The following HNRNPM variants were observed in gnomAD, a reference collection of about 807,000 sequenced individuals.
The protein encoded by HNRNPM is heterogeneous nuclear ribonucleoprotein M, also known as CEA receptor.
A neutral mutation model predicts 73.1 loss-of-function variants in HNRNPM; 11 were observed. That is an observed-to-expected ratio of 0.15 (90% CI 0.09 to 0.25). The LOEUF (loss-of-function observed/expected upper bound fraction) is 0.25, where lower values mean the gene tolerates loss of function less well. Among genes scored for constraint, HNRNPM ranks in the 10% least tolerant of loss-of-function variants. HNRNPM has a pLI of 1.00. For missense variants in HNRNPM, 789 were observed against 1,067.9 expected (o/e 0.74, Z 3.64); for synonymous variants, 407 against 355.2 (o/e 1.15, Z -1.64).
intron 8 of HNRNPM, 53 bp downstream of exon 8, chr19:8,467,637 G>C (rs1185808608): frequency 8.0e-7 from 1 of 1,249,426 alleles, no homozygotes; most frequent in Non-Finnish European, 1.2e-6. Flanking sequence ...CAAAAACATG[G>C]AATTAATAAG....
At chr19:8,487,542 G>A (rs1489011567) in intron 15 of HNRNPM, 1 of 165,054 alleles carries the variant, frequency 6.1e-6, no homozygotes, top group African/African-American at 2.4e-5. Flanking sequence ...AAGGTCTTGT[G>A]GTTTCCTGGC....
intron 13 of HNRNPM, among the ~76,000 whole-genome samples, chr19:8,485,128 G>A (rs1201737937): frequency 6.6e-6 from 1 of 152,090 alleles, no homozygotes; most frequent in South Asian, 2.1e-4. Context: ...CCCCAGCAGA[G>A]CATCCTAGAG....
intron 12 of HNRNPM, among the ~76,000 whole-genome samples, chr19:8,482,308 C>T (rs1053823423): frequency 2.0e-5 from 3 of 152,094 alleles, no homozygotes; most frequent in South Asian, 4.2e-4. Context: ...AAATGTGCCT[C>T]GTGGCTAATG....
chr19:8,474,946 T>C (rs1970401333), intron 12 of HNRNPM, among the ~76,000 whole-genome samples: 1 of 152,128 alleles, frequency 6.6e-6, no homozygotes, highest in Admixed American at 6.5e-5. Context: ...AACTCCTGAC[T>C]TCATGTGATC....
Position 8,485,749 on chromosome 19 carries a change from ATGGACCGCATGGGCTCCG to A in HNRNPM, c.1326_1343del (p.Asp442_Val447del), listed in dbSNP as rs766619493. 15 of 1,604,878 alleles carry A rather than the reference ATGGACCGCATGGGCTCCG, an allele frequency of 9.3e-6. No homozygotes were observed. Among genetic ancestry groups the A allele is most frequent in the South Asian group, 2.2e-5 (2 of 91,018 alleles). ...CGAGATCGAGCGCATGGGCCTGGTC[ATGGACCGCATGGGCTCCG>A]TGGAGCGCATGGGCTCCGGCATTGA... On this transcript the variant is annotated inframe_deletion, in exon 14 of 16. Coordinates refer to ENST00000325495, the MANE Select transcript of HNRNPM (RefSeq NM_005968.5).
rs540651632 is a variant in HNRNPM, at chr19:8,455,395, T to G, written c.114-10T>G. 128 of 1,607,600 alleles carry G rather than the reference T, an allele frequency of 8.0e-5. 2 individuals carry two copies. The South Asian group carries it at 1.4e-3, about 17-fold the overall frequency. On this transcript the variant is annotated splice_polypyrimidine_tract_variant and intron_variant, in intron 1 of 15. Coordinates refer to ENST00000325495, the MANE Select transcript of HNRNPM (RefSeq NM_005968.5). ...ACCCTTTACCTTTTTTTCCTCTCTCTCGAATTCAGTGAAGGAGAACGACCT... is the reference window on the plus strand; with the variant it reads ...ACCCTTTACCTTTTTTTCCTCTCTCGCGAATTCAGTGAAGGAGAACGACCT...
At position 8,450,644 on chromosome 19, in the gene HNRNPM, C is replaced by T. The variant is rs12974933; in HGVS notation, c.114-4761C>T. Among the ~76,000 whole-genome samples, 901 of 151,916 alleles carry T rather than the reference C, an allele frequency of 5.9e-3. 4 individuals are homozygous for T. The highest frequency in any genetic ancestry group is 9.8e-3 in the South Asian group (47 of 4,804). On this transcript the variant is annotated intron_variant, in intron 1 of 15. Transcript: ENST00000325495. ...CTTGAACTCCTGAGCTCAAGTGATC[C>T]GCCCACCTTGGCCTCCCAAAGTGCT...
Position 8,482,805 on chromosome 19 carries a change from T to C in HNRNPM, c.1121-353T>C, listed in dbSNP as rs930053466. ...CAAGGAAGCCTCAGTCCTGAGAGCC[T>C]GGACCAGCTTTAGAAAACTGCCGCT... On this transcript the variant is annotated intron_variant, in intron 12 of 15. Transcript: ENST00000325495. The C allele has an allele frequency of 2.6e-5, 5 of 191,178 alleles. No individual in the cohort carries two copies. The South Asian group carries it at 4.8e-4, about 18-fold the overall frequency. The allele number at this position is 191,178 out of a possible 1,614,324, so 11.8% of individuals were successfully genotyped here. A position where few individuals can be genotyped will look rare whatever the true frequency, so the allele number is the denominator to read the frequency against.
rs483352729 is a variant in HNRNPM, at chr19:8,488,790, G to A, written c.2129G>A (p.Arg710Gln). The change falls in exon 16 of 16, where the codon CGG (arginine) becomes CAG (glutamine). Residue 710 changes from arginine to glutamine, a missense_variant. By Grantham distance (43) the Arg-to-Gln change is conservative. Coordinates refer to ENST00000325495, the MANE Select transcript of HNRNPM (RefSeq NM_005968.5). ...CCAGAGGTGGCCGAGAGAGCCTGCC[G>A]GATGATGAATGGCATGAAGCTGAGT... is the stretch of plus-strand genomic sequence containing the variant. ...ESPEVAERAC[R>Q]MMNGMKLSGR... 5 of 1,613,996 alleles carry A rather than the reference G, an allele frequency of 3.1e-6. No homozygotes were observed. The highest frequency in any genetic ancestry group is 4.2e-6 in the Non-Finnish European group (5 of 1,180,012).
At position 8,445,026 on chromosome 19, in the gene HNRNPM, G is replaced by GAGGTGGCGGCGA; in HGVS notation, c.29_40dup (p.Ala13_Thr14insLysValAlaAla). 7.0e-7 allele frequency: 1 copy of GAGGTGGCGGCGA among 1,425,676 alleles called. No individual in the cohort carries two copies. The highest frequency in any genetic ancestry group is 1.6e-5 in the South Asian group (1 of 62,700). The allele number at this position is 1,425,676 out of a possible 1,614,324, so 88.3% of individuals were successfully genotyped here. ...GGCGGCAGGGGTCGAAGCGGCGGCG[G>GAGGTGGCGGCGA]AGGTGGCGGCGACGGAGATCAAAAT... On this transcript the variant is annotated inframe_insertion, in exon 1 of 16. Transcript: ENST00000325495.
intron 2 of HNRNPM, among the ~76,000 whole-genome samples, chr19:8,456,686 C>T (rs917918190): frequency 3.3e-5 from 5 of 152,180 alleles, no homozygotes; most frequent in African/African-American, 1.2e-4. Flanking sequence ...ATGGCACTGC[C>T]ATCATTGTCC....
intron 13 of HNRNPM, among the ~76,000 whole-genome samples, 162 bp downstream of exon 13, chr19:8,483,373 CCTCT>C (rs1298595702): frequency 6.6e-6 from 1 of 152,162 alleles, no homozygotes; most frequent in Non-Finnish European, 1.5e-5. Flanking sequence ...AGTCACTGAA[CCTCT>C]CTGTTTCTCA....
chr19:8,453,483 A>G (rs561077093), intron 1 of HNRNPM, among the ~76,000 whole-genome samples: 2 of 152,340 alleles, frequency 1.3e-5, no homozygotes, highest in South Asian at 2.1e-4. Context: ...TCCAGCTACT[A>G]TCTGGTGTTT....
At chr19:8,487,318 A>G (rs2145768917) in intron 15 of HNRNPM, 2 of 497,772 alleles carry the variant, frequency 4.0e-6, no homozygotes, top group African/African-American at 1.9e-5. Flanking sequence ...GAAACAAGGT[A>G]GTAGTGTCCC....
rs1201331830 is a variant in HNRNPM, at chr19:8,483,318, G to GGGT, written c.1174+110_1174+112dup. 4.8e-6 allele frequency: 4 copies of GGGT among 825,990 alleles called. No homozygotes were observed. The African/African-American group carries it at 6.9e-5, about 14-fold the overall frequency. 51.2% of individuals were successfully genotyped at this position (825,990 alleles called of 1,614,324 possible). A position where few individuals can be genotyped will look rare whatever the true frequency, so the allele number is the denominator to read the frequency against. On this transcript the variant is annotated intron_variant, in intron 13 of 15. Coordinates refer to ENST00000325495, the MANE Select transcript of HNRNPM (RefSeq NM_005968.5). ...TGCGGGTTCTGACACAGACTGCCCG[G>GGGT]GGTGGGAGCAGCTCTGCCTTTTTCT... is the stretch of plus-strand genomic sequence containing the variant.
At chr19:8,479,927 C>T in intron 12 of HNRNPM, among the ~76,000 whole-genome samples, 1 of 149,688 alleles carries the variant, frequency 6.7e-6, no homozygotes, top group East Asian at 2.0e-4. Context: ...GGCGCGTGCC[C>T]CCATGTCCGG....
intron 10 of HNRNPM, 95 bp downstream of exon 10, chr19:8,471,522 ATATT>A (rs1970137273): frequency 1.8e-6 from 1 of 554,986 alleles, no homozygotes; most frequent in East Asian, 3.4e-5. Context: ...AATGGAATAA[ATATT>A]TAACTGGGAC....
At chr19:8,481,943 T>TTTG (rs141166995) in intron 12 of HNRNPM, among the ~76,000 whole-genome samples, 10 of 149,992 alleles carry the variant, frequency 6.7e-5, no homozygotes, top group East Asian at 5.9e-4. Context: ...TGCAGGTGCT[T>TTTG]TTGTTGTTGT....
Position 8,466,362 on chromosome 19 carries a change from A to T in HNRNPM, c.758A>T (p.Gln253Leu). The T allele has an allele frequency of 6.2e-7, 1 of 1,614,186 alleles. No individual in the cohort carries two copies. Among genetic ancestry groups the T allele is most frequent in the Non-Finnish European group, 8.5e-7 (1 of 1,180,014 alleles). The change falls in exon 7 of 16, where the codon CAG becomes CTG. Residue 253 changes from glutamine to leucine, a missense_variant. Physicochemically the swap from Gln to Leu is moderately radical, Grantham distance 113 (BLOSUM62 -2). Coordinates refer to ENST00000325495, the MANE Select transcript of HNRNPM (RefSeq NM_005968.5). ...SRGIGTVTFE[Q>L]SIEAVQAISM... ...GGAATAGGCACTGTTACTTTTGAACAGTCCATTGAAGCTGTGCAAGCTATA... is the reference window on the plus strand; with the variant it reads ...GGAATAGGCACTGTTACTTTTGAACTGTCCATTGAAGCTGTGCAAGCTATA...
Sources: gnomAD v4.1 joint callset for allele counts (sites outside exome capture counted in the v4.1 genomes callset) on GRCh38, gnomAD v4.1.1 for gene constraint, MANE v1.5 for transcripts, NCBI Gene and HGNC (gene_info 2026-07-23, HGNC 2026-07-21) for gene names.